Variants in ATRX observed in about 807,000 individuals in gnomAD.
ATRX encodes chromatin remodeler ATRX.
Under a neutral mutation model 172.6 loss-of-function variants are expected in ATRX, and 12 were observed. The ratio of observed to expected loss-of-function variants is 0.07; its 90% CI spans 0.04 to 0.11. ATRX has a LOEUF of 0.11. ATRX is among the 10% of genes least tolerant of loss of function. ATRX has a pLI of 1.00. For synonymous variants in ATRX, 674 were observed against 594.7 expected, an observed-to-expected ratio of 1.13 and a Z score of -1.94; for missense variants, 1,368 against 1,767.4, an observed-to-expected ratio of 0.77 and a Z score of 4.05.
chrX:77,611,155 T>C (rs1367033199), intron 22 of ATRX, among the ~76,000 whole-genome samples: 3 of 111,189 alleles, frequency 2.7e-5, no homozygotes, highest in Non-Finnish European at 5.7e-5. Context: ...ATATTTCATA[T>C]ATATTTCACA....
chrX:77,783,174 G>A (rs1439718600), intron 1 of ATRX, among the ~76,000 whole-genome samples: 4 of 111,593 alleles, frequency 3.6e-5, no homozygotes, highest in Non-Finnish European at 5.6e-5. Flanking sequence ...GGCGGAGGCG[G>A]CAGTAAGCCA....
chrX:77,519,982 G>C (rs2063175052), intron 34 of ATRX, among the ~76,000 whole-genome samples: 1 of 112,066 alleles, frequency 8.9e-6, no homozygotes, highest in African/African-American at 3.2e-5. Flanking sequence ...CCATAAAAAA[G>C]AACGAGATAC....
intron 19 of ATRX, among the ~76,000 whole-genome samples, chrX:77,628,026 G>C (rs1398871889): frequency 8.9e-6 from 1 of 112,031 alleles, no homozygotes; most frequent in Non-Finnish European, 1.9e-5. Context: ...GAAACTACAG[G>C]GGGAATGGCA....
intron 1 of ATRX, among the ~76,000 whole-genome samples, chrX:77,751,710 G>A (rs1364410812): frequency 8.9e-6 from 1 of 111,974 alleles, no homozygotes; most frequent in South Asian, 3.7e-4. Flanking sequence ...TAAAGAAGGG[G>A]TCCAGTTTCT....
At position 77,659,286 on chromosome X, in the gene ATRX, A is replaced by AAC. The variant is rs1247976591; in HGVS notation, c.4121-2635_4121-2634dup. 5.4e-5 allele frequency among the ~76,000 whole-genome samples: 6 copies of AAC among 111,172 alleles called. No individual in the cohort carries two copies. The East Asian group carries it at 1.7e-3, about 31-fold the overall frequency. On this transcript the variant is annotated intron_variant, in intron 12 of 34. Transcript: ENST00000373344. Reference sequence around the variant, plus strand: ...ACTGGAAAGCTGGGAGAATACCAAAAACACACACACTGACACAAAAAAATC... The same window carrying AAC: ...ACTGGAAAGCTGGGAGAATACCAAAAACACACACACACTGACACAAAAAAATC...
chrX:77,593,616 A>T, intron 26 of ATRX, 80 bp downstream of exon 26: 1 of 1,021,210 alleles, frequency 9.8e-7, no homozygotes. Flanking sequence ...AAAGCAACAG[A>T]TTTGTTCAAA....
chrX:77,649,568 T>C (rs1487843079), intron 15 of ATRX, among the ~76,000 whole-genome samples: 5 of 111,998 alleles, frequency 4.5e-5, no homozygotes, highest in African/African-American at 1.6e-4. Context: ...CTTGGCTGTG[T>C]CCCCACCCAA....
At chrX:77,620,289 C>G in intron 20 of ATRX, 106 bp downstream of exon 20, 1 of 902,980 alleles carries the variant, frequency 1.1e-6, no homozygotes, top group Non-Finnish European at 1.6e-6. Context: ...AGATCATGGT[C>G]TAGGACTATA....
chrX:77,676,597 A>G (rs983384043), intron 9 of ATRX, among the ~76,000 whole-genome samples: 32 of 112,158 alleles, frequency 2.9e-4, no homozygotes, highest in Non-Finnish European at 3.0e-4. Flanking sequence ...TCATATTAGC[A>G]TAAGTTTCTT....
At chrX:77,576,522 G>C (rs1449571676) in intron 27 of ATRX, among the ~76,000 whole-genome samples, 8 of 111,043 alleles carry the variant, frequency 7.2e-5, no homozygotes, top group African/African-American at 1.6e-4. Context: ...TGCCTAACTA[G>C]AGCATCATTC....
At chrX:77,599,649 A>C (rs2148146687) in intron 24 of ATRX, 69 bp from the exon 25 acceptor site, 1 of 1,195,352 alleles carries the variant, frequency 8.4e-7, no homozygotes, top group South Asian at 1.8e-5. Context: ...GAAAGATGTA[A>C]ACGTCAATTA....
rs782085426 is a variant in ATRX at position 77,546,340 on chromosome X, T to C, written c.6699+11111A>G. Among the ~76,000 whole-genome samples, 5 of 111,749 alleles carry C rather than the reference T, an allele frequency of 4.5e-5. No homozygotes were observed. In the South Asian group the frequency reaches 1.9e-3, roughly 42 times the overall value. Reference sequence around the variant, plus strand: ...TAAAGCTTAGATACTGTTTGTTTTTTTAATTCAAAGGTTTAGCTGATAACT... The same window carrying C: ...TAAAGCTTAGATACTGTTTGTTTTTCTAATTCAAAGGTTTAGCTGATAACT... On this transcript the variant is annotated intron_variant, in intron 30 of 34. Transcript: ENST00000373344.
At chrX:77,705,332 G>A (rs1418523965) in intron 2 of ATRX, among the ~76,000 whole-genome samples, 2 of 111,376 alleles carry the variant, frequency 1.8e-5, no homozygotes, top group African/African-American at 6.5e-5. Context: ...TGCTTAGGCA[G>A]CTGCAGCAGG....
intron 22 of ATRX, among the ~76,000 whole-genome samples, chrX:77,602,484 C>T (rs1215678497): frequency 9.2e-6 from 1 of 108,842 alleles, no homozygotes; most frequent in Non-Finnish European, 1.9e-5. Context: ...GTTTAATTTG[C>T]AAAGTAGAAG....
intron 2 of ATRX, among the ~76,000 whole-genome samples, chrX:77,710,835 C>G (rs1299356448): frequency 1.8e-5 from 2 of 109,839 alleles, no homozygotes; most frequent in African/African-American, 6.6e-5. Context: ...TATAAAATGC[C>G]AAGATGAGGA....
chrX:77,667,144 G>C (rs1377782681), intron 10 of ATRX, among the ~76,000 whole-genome samples: 1 of 109,619 alleles, frequency 9.1e-6, no homozygotes, highest in Non-Finnish European at 1.9e-5. Context: ...AAAATAAAAT[G>C]TTAGCAGCAA....
At position 77,607,767 on chromosome X, in the gene ATRX, T is replaced by C. The variant is rs782062232; in HGVS notation, c.5567-7203A>G. On this transcript the variant is annotated intron_variant, in intron 22 of 34. Transcript: ENST00000373344. ...ACTCTACAATGAAAAATATAAAACA[T>C]TGATGCAAGAAATGGAAGAGGACAC... Among the ~76,000 whole-genome samples the C allele has an allele frequency of 6.8e-4, 71 of 104,393 alleles. No individual in the cohort carries two copies. The Middle Eastern group carries it at 0.015, about 22-fold the overall frequency. 90.7% of individuals were successfully genotyped at this position (104,393 alleles called of 115,157 possible).
chrX:77,768,353 G>A (rs782597906), intron 1 of ATRX, among the ~76,000 whole-genome samples: 1 of 111,568 alleles, frequency 9.0e-6, no homozygotes, highest in South Asian at 3.7e-4. Flanking sequence ...TATGTTTCCT[G>A]CATTTTAGAA....
intron 14 of ATRX, among the ~76,000 whole-genome samples, chrX:77,653,101 G>A (rs782023318): frequency 1.7e-4 from 19 of 110,888 alleles, no homozygotes; most frequent in African/African-American, 5.9e-4. Flanking sequence ...CATTGCTAAC[G>A]GGAACGTCAA....
Sources: gnomAD v4.1 joint callset for allele counts (sites outside exome capture counted in the v4.1 genomes callset) on GRCh38, gnomAD v4.1.1 for gene constraint, MANE v1.5 for transcripts, NCBI Gene and HGNC (gene_info 2026-07-23, HGNC 2026-07-21) for gene names.